Variants in EYS observed in about 807,000 individuals in gnomAD.
The protein encoded by EYS is protein eyes shut homolog.
Under a neutral mutation model 282.1 loss-of-function variants are expected in EYS, and 250 were observed. The ratio of observed to expected loss-of-function variants is 0.89; its 90% CI spans 0.80 to 0.98. EYS has a LOEUF of 0.98. Ranked by LOEUF, EYS falls within the 50% of genes least tolerant of loss-of-function variation. The pLI is 0.00. For missense variants in EYS, 4,016 were observed against 3,709.0 expected (o/e 1.08, Z -2.15); for synonymous variants, 1,355 against 1,282.9 (o/e 1.06, Z -1.20).
At chr6:65,099,249 A>C (rs1774824427) in intron 12 of EYS, among the ~76,000 whole-genome samples, 1 of 150,692 alleles carries the variant, frequency 6.6e-6, no homozygotes, top group African/African-American at 2.4e-5. Context: ...CTTTGAATAG[A>C]TCAAATGCCT....
At chr6:65,467,856 G>A (rs1223032797) in intron 5 of EYS, among the ~76,000 whole-genome samples, 1 of 151,960 alleles carries the variant, frequency 6.6e-6, no homozygotes, top group Non-Finnish European at 1.5e-5. Flanking sequence ...TTTGATTATA[G>A]CTTTTCTTTT....
chr6:64,398,698 A>G (rs1561972715), intron 28 of EYS, among the ~76,000 whole-genome samples: 1 of 151,914 alleles, frequency 6.6e-6, no homozygotes, highest in Non-Finnish European at 1.5e-5. Flanking sequence ...ATTTACACAT[A>G]TTCTTCAAAT....
At chr6:65,419,137 C>T (rs1440437365) in intron 5 of EYS, among the ~76,000 whole-genome samples, 1 of 151,326 alleles carries the variant, frequency 6.6e-6, no homozygotes, top group African/African-American at 2.4e-5. Flanking sequence ...AGGAGCAGAG[C>T]TATTGGAAGG....
At chr6:64,338,317 C>A (rs1770940650) in intron 29 of EYS, among the ~76,000 whole-genome samples, 1 of 151,864 alleles carries the variant, frequency 6.6e-6, no homozygotes, top group Non-Finnish European at 1.5e-5. Flanking sequence ...AAATCAGTAG[C>A]TCTGTTGTAC....
chr6:64,886,879 A>C, intron 18 of EYS, 37 bp from the exon 19 acceptor site: 2 of 1,267,360 alleles, frequency 1.6e-6, no homozygotes, highest in Non-Finnish European at 2.2e-6. Context: ...TAGCCATGTA[A>C]CAATGATAAT....
chr6:65,336,201 A>G (rs969685921), intron 10 of EYS, among the ~76,000 whole-genome samples: 1 of 151,696 alleles, frequency 6.6e-6, no homozygotes, highest in Non-Finnish European at 1.5e-5. Context: ...AGAATTGACT[A>G]ATACACCCAG....
chr6:64,202,219 C>A (rs1484973057), intron 31 of EYS, among the ~76,000 whole-genome samples: 4 of 152,096 alleles, frequency 2.6e-5, no homozygotes. Flanking sequence ...TCTTTCATAC[C>A]ATGAACTGCT....
At position 64,375,460 on chromosome 6, in the gene EYS, CTATT is replaced by C. The variant is rs571197774; in HGVS notation, c.6078+13226_6078+13229del. ...AGACTAAATGAAAGGGTGGTAATAACTATTTATGCCTCTCGGCTAATATATGTTT... is the reference window on the plus strand; with the variant it reads ...AGACTAAATGAAAGGGTGGTAATAACTATGCCTCTCGGCTAATATATGTTT... On this transcript the variant is annotated intron_variant, in intron 29 of 42. Transcript: ENST00000503581. 1.8e-3 allele frequency among the ~76,000 whole-genome samples: 276 copies of C among 152,320 alleles called. 1 individual carries two copies. The highest frequency in any genetic ancestry group is 3.4e-3 in the Admixed American group (52 of 15,298).
At chr6:64,440,907 C>T (rs1271187985) in intron 26 of EYS, among the ~76,000 whole-genome samples, 2 of 152,100 alleles carry the variant, frequency 1.3e-5, no homozygotes, top group Non-Finnish European at 2.9e-5. Context: ...CTCATCATGA[C>T]ATGTCTGAAC....
chr6:64,514,389 T>A (rs1178361338), intron 26 of EYS, among the ~76,000 whole-genome samples: 1 of 151,798 alleles, frequency 6.6e-6, no homozygotes, highest in Non-Finnish European at 1.5e-5. Context: ...ATTAGGAGAC[T>A]ACATGGTTCC....
At chr6:64,894,521 G>T (rs913678015) in intron 18 of EYS, among the ~76,000 whole-genome samples, 3 of 152,146 alleles carry the variant, frequency 2.0e-5, no homozygotes, top group Non-Finnish European at 4.4e-5. Flanking sequence ...GGAGGACAGA[G>T]ACATAATTCA....
chr6:64,687,746 G>A (rs1042762233), intron 22 of EYS, among the ~76,000 whole-genome samples: 4 of 152,312 alleles, frequency 2.6e-5, no homozygotes, highest in Admixed American at 2.6e-4. Flanking sequence ...AAATGAGTTA[G>A]GGAGGATTCC....
chr6:64,912,933 A>T (rs1369715681), intron 15 of EYS, among the ~76,000 whole-genome samples, 190 bp from the exon 16 acceptor site: 4 of 152,098 alleles, frequency 2.6e-5, no homozygotes, highest in African/African-American at 9.7e-5. Context: ...ATTACCATAA[A>T]ACTTACCACC....
intron 29 of EYS, among the ~76,000 whole-genome samples, chr6:64,367,495 G>C (rs1250621202): frequency 6.6e-6 from 1 of 151,784 alleles, no homozygotes; most frequent in African/African-American, 2.4e-5. Context: ...AGTGTTTTTG[G>C]AAAGAGAGGG....
intron 2 of EYS, among the ~76,000 whole-genome samples, chr6:65,637,179 C>T (rs1767117367): frequency 6.6e-6 from 1 of 152,108 alleles, no homozygotes; most frequent in Non-Finnish European, 1.5e-5. Flanking sequence ...ACGATAAAGG[C>T]AGAAATTTTG....
At chr6:64,332,648 A>G (rs1044065673) in intron 29 of EYS, among the ~76,000 whole-genome samples, 1 of 152,160 alleles carries the variant, frequency 6.6e-6, no homozygotes, top group Non-Finnish European at 1.5e-5. Context: ...GGTGAGACCA[A>G]GCCACTACTG....
At chr6:64,810,465 A>T (rs990881511) in intron 22 of EYS, among the ~76,000 whole-genome samples, 2 of 152,048 alleles carry the variant, frequency 1.3e-5, no homozygotes, top group Non-Finnish European at 2.9e-5. Context: ...AGATCTAAGA[A>T]ATTTACACTT....
intron 19 of EYS, among the ~76,000 whole-genome samples, chr6:64,885,328 G>C (rs1026574494): frequency 1.3e-5 from 2 of 151,598 alleles, no homozygotes; most frequent in African/African-American, 4.8e-5. Flanking sequence ...TGAAATTAAA[G>C]AGGTTATCAA....
intron 22 of EYS, among the ~76,000 whole-genome samples, chr6:64,809,965 A>G (rs1764544534): frequency 6.6e-6 from 1 of 152,094 alleles, no homozygotes; most frequent in South Asian, 2.1e-4. Flanking sequence ...TTTAATCTAT[A>G]ATAAATGTTG....
Sources: gnomAD v4.1 joint callset for allele counts (sites outside exome capture counted in the v4.1 genomes callset) on GRCh38, gnomAD v4.1.1 for gene constraint, MANE v1.5 for transcripts, NCBI Gene and HGNC (gene_info 2026-07-23, HGNC 2026-07-21) for gene names.